The following COL5A2 variants were observed in gnomAD, a reference collection of about 807,000 sequenced individuals.
COL5A2 encodes collagen type V alpha 2 chain, also known as collagen alpha-2(V) chain.
COL5A2 carries 23 observed loss-of-function variants against 208.2 expected under a neutral mutation model. The ratio of observed to expected loss-of-function variants is 0.11; its 90% CI spans 0.08 to 0.16. The LOEUF (loss-of-function observed/expected upper bound fraction) is 0.16. COL5A2 is among the 10% of genes least tolerant of loss of function. COL5A2 has a pLI of 1.00. For missense variants in COL5A2, 1,590 were observed against 1,956.4 expected, an observed-to-expected ratio of 0.81 and a Z score of 3.53; for synonymous variants, 625 against 628.5, an observed-to-expected ratio of 0.99 and a Z score of 0.08.
the COL5A2 span, among the ~76,000 whole-genome samples, chr2:189,435,281 T>C: frequency 6.6e-6 from 1 of 152,042 alleles, no homozygotes; most frequent in African/African-American, 2.4e-5. Context: ...GACTTCATGA[T>C]TAAAACACCA....
At chr2:189,327,199 T>A in the COL5A2 span, among the ~76,000 whole-genome samples, 1 of 152,144 alleles carries the variant, frequency 6.6e-6, no homozygotes, top group Admixed American at 6.5e-5. Flanking sequence ...TCCTTATATA[T>A]CTGACTACAG....
the COL5A2 span, among the ~76,000 whole-genome samples, chr2:189,336,380 A>G: frequency 6.6e-6 from 1 of 152,188 alleles, no homozygotes; most frequent in Non-Finnish European, 1.5e-5. Context: ...GAATTTACCC[A>G]AGGAATATAA....
At chr2:189,088,247 T>C (rs1411211968) in intron 8 of COL5A2, among the ~76,000 whole-genome samples, 1 of 152,180 alleles carries the variant, frequency 6.6e-6, no homozygotes, top group Non-Finnish European at 1.5e-5. Flanking sequence ...CAGGAAACCA[T>C]AGAGCTGTTG....
At chr2:189,265,804 A>C in the COL5A2 span, among the ~76,000 whole-genome samples, 3 of 152,314 alleles carry the variant, frequency 2.0e-5, no homozygotes, top group African/African-American at 7.2e-5. Context: ...CTAGACTCAT[A>C]AAACAAACAA....
chr2:189,257,347 C>T, the COL5A2 span, among the ~76,000 whole-genome samples: 1 of 152,152 alleles, frequency 6.6e-6, no homozygotes, highest in Non-Finnish European at 1.5e-5. Context: ...TCTGCCTAAA[C>T]AATTTGTGAG....
the COL5A2 span, among the ~76,000 whole-genome samples, chr2:189,432,003 C>A: frequency 7.0e-4 from 106 of 152,252 alleles, 1 homozygote; most frequent in African/African-American, 2.6e-3. Context: ...GATCTCTCAG[C>A]AGAAACCCTA....
At chr2:189,052,378 T>C (rs1443530726) in intron 40 of COL5A2, among the ~76,000 whole-genome samples, 153 bp from the exon 41 acceptor site, 2 of 152,196 alleles carry the variant, frequency 1.3e-5, no homozygotes, top group Non-Finnish European at 2.9e-5. Flanking sequence ...AATCCCATAT[T>C]TTGGGGAATT....
At chr2:189,229,065 T>G (rs1007367761), upstream of COL5A2, among the ~76,000 whole-genome samples, 3 of 151,800 alleles carry the variant, frequency 2.0e-5, no homozygotes, top group African/African-American at 7.2e-5. Flanking sequence ...AATCACAGGA[T>G]GATAGAAAGA....
intron 1 of COL5A2, among the ~76,000 whole-genome samples, chr2:189,166,407 G>A (rs1438718026): frequency 6.6e-6 from 1 of 151,992 alleles, no homozygotes; most frequent in African/African-American, 2.4e-5. Context: ...AATTATTCCA[G>A]TGAAATTGTC....
Position 189,066,753 on chromosome 2 carries a change from T to C in COL5A2, c.1431A>G (p.Gly477=), listed in dbSNP as rs1299194755. The change falls in exon 22 of 54, where the codon GGA becomes GGG. Residue 477 remains glycine (G), a synonymous_variant. Coordinates refer to ENST00000374866, the MANE Select transcript of COL5A2 (RefSeq NM_000393.5). ...PGDPGVPGFK[G]EAGPKGEPGP... ...CTGGTTCCCCTTTTGGGCCAGCTTC[T>C]CCTTTGAAACCTGGAACTCCTGGAT... 6.2e-7 allele frequency: 1 copy of C among 1,613,764 alleles called. No homozygotes were observed. Among genetic ancestry groups the C allele is most frequent in the Non-Finnish European group, 8.5e-7 (1 of 1,179,718 alleles).
the COL5A2 span, chr2:189,311,559 C>T: frequency 7.1e-5 from 90 of 1,260,186 alleles, no homozygotes; most frequent in Admixed American, 1.4e-3. Flanking sequence ...ATCTGCTGGG[C>T]GTAGTGGGCC....
chr2:189,158,344 T>C (rs1476657994), intron 1 of COL5A2, among the ~76,000 whole-genome samples: 1 of 152,084 alleles, frequency 6.6e-6, no homozygotes, highest in Non-Finnish European at 1.5e-5. Flanking sequence ...TCTATGAACA[T>C]TTATTAGCAC....
At chr2:189,067,571 T>G (rs900067386) in intron 21 of COL5A2, among the ~76,000 whole-genome samples, 1 of 152,176 alleles carries the variant, frequency 6.6e-6, no homozygotes, top group Non-Finnish European at 1.5e-5. Context: ...TATGAAAACA[T>G]TCAATCTGAC....
At chr2:189,079,826 C>A in intron 14 of COL5A2, 152 bp downstream of exon 14, 2 of 718,850 alleles carry the variant, frequency 2.8e-6, no homozygotes, top group East Asian at 5.4e-5. Context: ...AAGCCATTGC[C>A]ACTCATCTTT....
chr2:189,331,843 G>A, the COL5A2 span, among the ~76,000 whole-genome samples: 3 of 151,948 alleles, frequency 2.0e-5, no homozygotes, highest in South Asian at 4.2e-4. Context: ...CCAGCTACTC[G>A]GGAGGCCGGG....
intron 14 of COL5A2, among the ~76,000 whole-genome samples, chr2:189,079,694 T>C (rs1257875042): frequency 1.3e-5 from 2 of 152,134 alleles, no homozygotes; most frequent in Admixed American, 6.6e-5. Context: ...AAATGAATGA[T>C]TGTATTTTAA....
intron 1 of COL5A2, among the ~76,000 whole-genome samples, chr2:189,158,021 G>C (rs530970089): frequency 1.7e-4 from 26 of 151,890 alleles, no homozygotes; most frequent in Non-Finnish European, 3.5e-4. Flanking sequence ...CTACAGCCTA[G>C]CACAATACCT....
At chr2:189,229,514 T>G (rs1404278373), upstream of COL5A2, among the ~76,000 whole-genome samples, 2 of 151,112 alleles carry the variant, frequency 1.3e-5, no homozygotes, top group East Asian at 1.9e-4. Flanking sequence ...CATACAAAAC[T>G]AATTGTGTTT....
chr2:189,046,105 A>C lies in COL5A2; in HGVS notation c.3202-198T>G, dbSNP rs113745728. On this transcript the variant is annotated intron_variant, in intron 45 of 53. Coordinates refer to ENST00000374866, the MANE Select transcript of COL5A2 (RefSeq NM_000393.5). Reference sequence around the variant, plus strand: ...GAAAAGAATAAAGTTATTTCTTCCTAATTTCAAGTCTCATCCTTTCCCTCA... The same window carrying C: ...GAAAAGAATAAAGTTATTTCTTCCTCATTTCAAGTCTCATCCTTTCCCTCA... Among the ~76,000 whole-genome samples, 39 of 152,208 alleles carry C rather than the reference A, an allele frequency of 2.6e-4. 1 individual carries two copies. The highest frequency in any genetic ancestry group is 9.1e-4 in the African/African-American group (38 of 41,560).
Sources: gnomAD v4.1 joint callset for allele counts (sites outside exome capture counted in the v4.1 genomes callset) on GRCh38, gnomAD v4.1.1 for gene constraint, MANE v1.5 for transcripts, NCBI Gene and HGNC (gene_info 2026-07-23, HGNC 2026-07-21) for gene names.